Variants in MEIS1 observed in about 807,000 individuals in gnomAD.
MEIS1 encodes Meis homeobox 1.
In MEIS1, 5 loss-of-function variants were observed where a neutral mutation model predicts 50.8. The observed-to-expected ratio is 0.10, with a 90% CI of 0.05 to 0.21. MEIS1 has a LOEUF of 0.21. Ranked by LOEUF, MEIS1 falls within the 10% of genes least tolerant of loss-of-function variation. The pLI is 1.00. For synonymous variants in MEIS1, 176 were observed against 179.3 expected, an observed-to-expected ratio of 0.98 and a Z score of 0.15; for missense variants, 318 against 517.3, an observed-to-expected ratio of 0.61 and a Z score of 3.74.
At chr2:66,542,883 A>T (rs989172861) in intron 8 of MEIS1, among the ~76,000 whole-genome samples, 1 of 152,198 alleles carries the variant, frequency 6.6e-6, no homozygotes, top group Non-Finnish European at 1.5e-5. Context: ...AAAGAAGTAC[A>T]TTTGGTCAAA....
At chr2:66,545,633 A>T (rs78018284) in intron 8 of MEIS1, among the ~76,000 whole-genome samples, 1,730 of 152,320 alleles carry the variant, frequency 0.011, 34 homozygotes, top group African/African-American at 0.039. Flanking sequence ...GTAATTCAGC[A>T]TTCTATCCAT....
At chr2:66,523,759 T>C (rs1558549761) in intron 8 of MEIS1, among the ~76,000 whole-genome samples, 1 of 152,342 alleles carries the variant, frequency 6.6e-6, no homozygotes, top group African/African-American at 2.4e-5. Context: ...TGAACTAACA[T>C]GGGTAACATG....
intron 2 of MEIS1, among the ~76,000 whole-genome samples, chr2:66,438,739 G>A (rs529135786): frequency 6.6e-6 from 1 of 152,226 alleles, no homozygotes; most frequent in Admixed American, 6.5e-5. Context: ...ACTGTGTGCC[G>A]ATGAATTTGG....
intron 9 of MEIS1, among the ~76,000 whole-genome samples, chr2:66,550,964 G>A (rs914717399): frequency 6.6e-6 from 1 of 151,878 alleles, no homozygotes; most frequent in African/African-American, 2.4e-5. Context: ...TTCCTTCTTG[G>A]ATTTCTTAAA....
intron 6 of MEIS1, chr2:66,445,101 G>T (rs1164224007): frequency 3.9e-5 from 6 of 152,178 alleles, no homozygotes; most frequent in African/African-American, 7.2e-5. Flanking sequence ...GTATGCAATT[G>T]TATCGGATAA....
At chr2:66,548,885 G>C (rs1287418375) in intron 9 of MEIS1, among the ~76,000 whole-genome samples, 1 of 152,188 alleles carries the variant, frequency 6.6e-6, no homozygotes, top group Non-Finnish European at 1.5e-5. Context: ...CCCAAAGCCT[G>C]GGCTGGGGAA....
chr2:66,512,120 A>C, intron 7 of MEIS1, 29 bp from the exon 8 acceptor site: 7 of 1,529,896 alleles, frequency 4.6e-6, no homozygotes, highest in Non-Finnish European at 6.2e-6. Flanking sequence ...AGGTAGCATC[A>C]GTCAAAATTT....
At chr2:66,512,532 T>A (rs1007748828) in intron 8 of MEIS1, among the ~76,000 whole-genome samples, 3 of 152,210 alleles carry the variant, frequency 2.0e-5, no homozygotes, top group Non-Finnish European at 4.4e-5. Flanking sequence ...AAGATTTAGG[T>A]GTTCATGTGC....
Position 66,435,554 on chromosome 2 carries a change from C to A in MEIS1, c.-303C>A, listed in dbSNP as rs530200448. 5.4e-6 allele frequency: 2 copies of A among 367,988 alleles called. No individual in the cohort carries two copies. The highest frequency in any genetic ancestry group is 9.5e-6 in the Non-Finnish European group (2 of 210,896). The allele number at this position is 367,988 out of a possible 1,614,324, so 22.8% of individuals were successfully genotyped here. A position where few individuals can be genotyped will look rare whatever the true frequency, so the allele number is the denominator to read the frequency against. ...CTCTTTTTTTTCCTTTTCTTTCTTT[C>A]TTTCTTTTTTTTTTTTTAAACTGAT... On this transcript the variant is annotated 5_prime_UTR_variant, in exon 1 of 13. Transcript: ENST00000272369.
chr2:66,485,039 A>AT (rs991833688), intron 7 of MEIS1, among the ~76,000 whole-genome samples: 1 of 151,800 alleles, frequency 6.6e-6, no homozygotes, highest in East Asian at 1.9e-4. Context: ...GTGTGAGATG[A>AT]TTTTTTTGTT....
intron 6 of MEIS1, among the ~76,000 whole-genome samples, chr2:66,461,561 T>C (rs941332783): frequency 6.6e-6 from 1 of 152,234 alleles, no homozygotes; most frequent in African/African-American, 2.4e-5. Flanking sequence ...TCAGTATTCA[T>C]AGGCCTTCTG....
chr2:66,545,955 T>C (rs1440889356), intron 8 of MEIS1, among the ~76,000 whole-genome samples: 2 of 152,220 alleles, frequency 1.3e-5, no homozygotes, highest in African/African-American at 4.8e-5. Context: ...GGAGAGTGTC[T>C]GTCATGGCAT....
chr2:66,497,982 TTTGGGGGG>T (rs1673450056), intron 7 of MEIS1, among the ~76,000 whole-genome samples: 1 of 151,890 alleles, frequency 6.6e-6, no homozygotes, highest in African/African-American at 2.4e-5. Flanking sequence ...CAAGGCTTTT[TTTGGGGGG>T]CTGTGGGGGA....
chr2:66,466,952 AAAAG>A (rs1264689231), intron 7 of MEIS1, among the ~76,000 whole-genome samples: 25 of 151,974 alleles, frequency 1.6e-4, no homozygotes, highest in African/African-American at 4.6e-4. Flanking sequence ...AAAAAAAAAA[AAAAG>A]AAAAGAAAGA....
intron 9 of MEIS1, among the ~76,000 whole-genome samples, chr2:66,565,631 C>A (rs1394016025): frequency 6.6e-6 from 1 of 152,132 alleles, no homozygotes; most frequent in South Asian, 2.1e-4. Context: ...TGAGCCCAGG[C>A]TTCTCATCTG....
intron 8 of MEIS1, among the ~76,000 whole-genome samples, chr2:66,537,024 G>A (rs1467275111): frequency 6.6e-6 from 1 of 152,022 alleles, no homozygotes; most frequent in Non-Finnish European, 1.5e-5. Context: ...ACCTTTAATG[G>A]TAAGCTTGGT....
chr2:66,508,727 A>C (rs150313610), intron 7 of MEIS1, among the ~76,000 whole-genome samples: 1 of 152,330 alleles, frequency 6.6e-6, no homozygotes, highest in African/African-American at 2.4e-5. Context: ...CGTTGCTTGC[A>C]CTAGTTGCTA....
chr2:66,535,277 T>C (rs1043990306), intron 8 of MEIS1, among the ~76,000 whole-genome samples: 2 of 152,200 alleles, frequency 1.3e-5, no homozygotes, highest in African/African-American at 2.4e-5. Flanking sequence ...CTATTCTAAC[T>C]TCACCAGTAA....
At chr2:66,462,460 A>G (rs1672541633) in intron 6 of MEIS1, among the ~76,000 whole-genome samples, 2 of 152,060 alleles carry the variant, frequency 1.3e-5, no homozygotes, top group South Asian at 4.1e-4. Context: ...TCTCTTTCTA[A>G]TTATATTTTC....
Sources: gnomAD v4.1 joint callset for allele counts (sites outside exome capture counted in the v4.1 genomes callset) on GRCh38, gnomAD v4.1.1 for gene constraint, MANE v1.5 for transcripts, NCBI Gene and HGNC (gene_info 2026-07-23, HGNC 2026-07-21) for gene names.